The following FARS2 variants were observed in gnomAD, a reference collection of about 807,000 sequenced individuals.
The protein encoded by FARS2 is phenylalanine--tRNA ligase, mitochondrial.
Under a neutral mutation model 46.4 loss-of-function variants are expected in FARS2, and 40 were observed. The observed-to-expected ratio is 0.86, with a 90% CI of 0.67 to 1.12. The LOEUF (loss-of-function observed/expected upper bound fraction) is 1.12, where lower values mean the gene tolerates loss of function less well. FARS2 is among the 50% of genes most tolerant of loss of function. FARS2 has a pLI of 0.00. For missense variants in FARS2, 513 were observed against 567.9 expected, an observed-to-expected ratio of 0.90 and a Z score of 0.98; for synonymous variants, 234 against 214.9, an observed-to-expected ratio of 1.09 and a Z score of -0.78.
intron 4 of FARS2, among the ~76,000 whole-genome samples, chr6:5,494,242 A>T (rs1054260978): frequency 5.9e-5 from 9 of 152,096 alleles, no homozygotes; most frequent in Non-Finnish European, 1.2e-4. Context: ...TGGTTTTAAA[A>T]AGTAAAATTC....
intron 6 of FARS2, among the ~76,000 whole-genome samples, chr6:5,728,606 A>C (rs1465624570): frequency 6.6e-6 from 1 of 152,204 alleles, no homozygotes; most frequent in Non-Finnish European, 1.5e-5. Context: ...GTGGATAGCT[A>C]TAACTAGCAG....
chr6:5,349,359 C>T (rs1040105031), intron 1 of FARS2, among the ~76,000 whole-genome samples: 2 of 152,174 alleles, frequency 1.3e-5, no homozygotes, highest in African/African-American at 2.4e-5. Flanking sequence ...ACGTTGTGCT[C>T]ACAGGTTGGA....
intron 3 of FARS2, among the ~76,000 whole-genome samples, chr6:5,425,995 A>G (rs9405266): frequency 0.49 from 74,704 of 151,668 alleles, 18,627 homozygotes; most frequent in Non-Finnish European, 0.54. Flanking sequence ...GAAAAATGGT[A>G]GAAGGCTGAG....
At chr6:5,373,262 C>T (rs1454515702) in intron 2 of FARS2, among the ~76,000 whole-genome samples, 2 of 152,092 alleles carry the variant, frequency 1.3e-5, no homozygotes, top group Admixed American at 6.5e-5. Flanking sequence ...TGACTACTGA[C>T]GTCATCTGTC....
chr6:5,413,418 CA>C (rs1263284171), intron 3 of FARS2, among the ~76,000 whole-genome samples: 2 of 152,104 alleles, frequency 1.3e-5, no homozygotes, highest in Non-Finnish European at 1.5e-5. Context: ...ACACCCATTG[CA>C]AACTATTTTT....
At chr6:5,478,874 T>C (rs1412223895) in intron 4 of FARS2, among the ~76,000 whole-genome samples, 2 of 152,006 alleles carry the variant, frequency 1.3e-5, no homozygotes, top group Non-Finnish European at 2.9e-5. Flanking sequence ...AAGGAGAGAG[T>C]GCTCAGGCCT....
At chr6:5,697,560 C>T (rs1758179405) in intron 6 of FARS2, among the ~76,000 whole-genome samples, 1 of 152,174 alleles carries the variant, frequency 6.6e-6, no homozygotes, top group Non-Finnish European at 1.5e-5. Flanking sequence ...CACTTCCTGA[C>T]CCTGTCTGAT....
intron 4 of FARS2, among the ~76,000 whole-genome samples, chr6:5,493,675 G>A (rs1245693300): frequency 6.6e-6 from 1 of 152,232 alleles, no homozygotes; most frequent in Non-Finnish European, 1.5e-5. Flanking sequence ...AATGGGAGCA[G>A]TAGTATTAGC....
chr6:5,455,734 A>T (rs1166931516), intron 4 of FARS2, among the ~76,000 whole-genome samples: 1 of 70,496 alleles, frequency 1.4e-5, no homozygotes, highest in East Asian at 1.3e-3. Flanking sequence ...TATACTCAGC[A>T]TCGGAGGCCT....
chr6:5,743,572 A>T (rs1209467103), intron 6 of FARS2, among the ~76,000 whole-genome samples: 1 of 152,222 alleles, frequency 6.6e-6, no homozygotes, highest in African/African-American at 2.4e-5. Context: ...CTAGCATTTG[A>T]TCAGTAGCAA....
At chr6:5,391,984 G>A (rs1377931233) in intron 2 of FARS2, among the ~76,000 whole-genome samples, 1 of 152,176 alleles carries the variant, frequency 6.6e-6, no homozygotes, top group Non-Finnish European at 1.5e-5. Flanking sequence ...AAATGTCAGA[G>A]AAATAGAAGC....
intron 1 of FARS2, among the ~76,000 whole-genome samples, chr6:5,365,282 A>G (rs1663402669): frequency 6.7e-6 from 1 of 148,214 alleles, no homozygotes; most frequent in Admixed American, 6.7e-5. Flanking sequence ...ATTTGAACTT[A>G]ACAATCTTGG....
At chr6:5,714,738 C>T (rs750874657) in intron 6 of FARS2, among the ~76,000 whole-genome samples, 4 of 151,974 alleles carry the variant, frequency 2.6e-5, no homozygotes, top group Non-Finnish European at 4.4e-5. Flanking sequence ...TAAAACTTCA[C>T]ATCCGGCCAG....
At chr6:5,740,006 A>G (rs1761231497) in intron 6 of FARS2, among the ~76,000 whole-genome samples, 1 of 152,218 alleles carries the variant, frequency 6.6e-6, no homozygotes, top group Non-Finnish European at 1.5e-5. Context: ...TTAACACATC[A>G]AGGTCATACA....
chr6:5,399,573 C>T (rs972255384), intron 2 of FARS2, among the ~76,000 whole-genome samples: 9 of 152,168 alleles, frequency 5.9e-5, no homozygotes, highest in Non-Finnish European at 8.8e-5. Flanking sequence ...ATTCATTATA[C>T]TCTATTCCCA....
At position 5,342,371 on chromosome 6, in the gene FARS2, T is replaced by G. The variant is rs188018102; in HGVS notation, c.-21-26179T>G. Among the ~76,000 whole-genome samples the G allele has an allele frequency of 4.0e-3, 605 of 152,320 alleles. 2 individuals carry two copies. The highest frequency in any genetic ancestry group is 0.014 in the African/African-American group (584 of 41,568). The stretch of plus-strand genomic sequence containing the variant: ...ATTTATTTATATTAGTTTCTAAAAA[T>G]GAACAGAAATGGTAAAATGTTCTAA... On this transcript the variant is annotated intron_variant, in intron 1 of 6. Transcript: ENST00000274680.
At chr6:5,735,994 A>G (rs1760920035) in intron 6 of FARS2, among the ~76,000 whole-genome samples, 1 of 152,028 alleles carries the variant, frequency 6.6e-6, no homozygotes, top group Non-Finnish European at 1.5e-5. Context: ...AGAATGAATT[A>G]CCCCCCAAAA....
chr6:5,470,072 T>A (rs890710032), intron 4 of FARS2, among the ~76,000 whole-genome samples: 6 of 152,236 alleles, frequency 3.9e-5, no homozygotes, highest in Non-Finnish European at 5.9e-5. Flanking sequence ...TTCATTATTA[T>A]CTATTTTATT....
At chr6:5,270,197 A>G (rs1404127761) in intron 1 of FARS2, among the ~76,000 whole-genome samples, 1 of 152,196 alleles carries the variant, frequency 6.6e-6, no homozygotes, top group Non-Finnish European at 1.5e-5. Flanking sequence ...CAGGCAGCAT[A>G]CTTTCTTTCC....
Sources: allele counts gnomAD v4.1 joint callset (sites outside exome capture counted in the v4.1 genomes callset), GRCh38; gene constraint gnomAD v4.1.1; transcripts MANE v1.5; gene names NCBI Gene and HGNC (gene_info 2026-07-23, HGNC 2026-07-21).